ASH2L: variants seen among roughly 807,000 people sequenced by gnomAD.
ASH2L encodes set1/Ash2 histone methyltransferase complex subunit ASH2.
In ASH2L, 30 loss-of-function variants were observed where a neutral mutation model predicts 81.1. That is an observed-to-expected ratio of 0.37 (90% CI 0.28 to 0.50). ASH2L has a LOEUF of 0.50. Among genes scored for constraint, ASH2L ranks in the 20% least tolerant of loss-of-function variants. ASH2L has a pLI of 0.95. For synonymous variants in ASH2L, 273 were observed against 279.9 expected (o/e 0.98, Z 0.24); for missense variants, 559 against 792.1 (o/e 0.71, Z 3.53).
chr8:38,114,493 C>T (rs553435518), intron 6 of ASH2L, among the ~76,000 whole-genome samples: 8 of 152,022 alleles, frequency 5.3e-5, no homozygotes, highest in Non-Finnish European at 1.0e-4. Flanking sequence ...GAACATTGCC[C>T]GCATACACCT....
Position 38,105,545 on chromosome 8 carries a change from G to T in ASH2L, c.-6G>T, listed in dbSNP as rs750572558. ...TATTCTCGCGAGAAGTCCAGGGGTG[G>T]CCGTGATGGCGGCGGCAGGAGCAGG... is the stretch of plus-strand genomic sequence containing the variant. On this transcript the variant is annotated 5_prime_UTR_variant, in exon 1 of 16. Coordinates refer to ENST00000343823, the MANE Select transcript of ASH2L (RefSeq NM_004674.5). 2.6e-6 allele frequency: 4 copies of T among 1,557,952 alleles called. No homozygotes were observed. In the East Asian group the frequency reaches 7.3e-5, roughly 28 times the overall value.
chr8:38,133,654 A>ACCAGATGCCCCT, intron 13 of ASH2L, 108 bp downstream of exon 13: 3 of 857,630 alleles, frequency 3.5e-6, no homozygotes, highest in Non-Finnish European at 5.3e-6. Flanking sequence ...ATGAAGGGGC[A>ACCAGATGCCCCT]TCTGGTAGCC....
intron 10 of ASH2L, chr8:38,122,260 G>A (rs919309388): frequency 2.0e-5 from 3 of 151,726 alleles, no homozygotes; most frequent in African/African-American, 4.8e-5. Context: ...TCTTTACTTT[G>A]AGGCATCAAA....
chr8:38,125,481 G>T (rs1403151409), intron 10 of ASH2L, among the ~76,000 whole-genome samples: 2 of 151,962 alleles, frequency 1.3e-5, no homozygotes, highest in African/African-American at 4.8e-5. Flanking sequence ...TTGCGGGCCT[G>T]GTGGTAATCC....
intron 10 of ASH2L, among the ~76,000 whole-genome samples, chr8:38,122,909 G>A (rs1801692522): frequency 6.6e-6 from 1 of 150,584 alleles, no homozygotes; most frequent in Admixed American, 6.6e-5. Context: ...ACACCTAGCT[G>A]GGTTTTTTAA....
At chr8:38,138,564 G>A (rs1802360951) in intron 14 of ASH2L, 1 of 424,520 alleles carries the variant, frequency 2.4e-6, no homozygotes, top group South Asian at 3.9e-5. Context: ...TTTTGACAGA[G>A]CAAATTGGGA....
intron 8 of ASH2L, among the ~76,000 whole-genome samples, chr8:38,116,929 T>G (rs1291449755): frequency 6.6e-6 from 1 of 152,212 alleles, no homozygotes; most frequent in South Asian, 2.1e-4. Context: ...AACAGTTTGG[T>G]CTTGAGTGAG....
chr8:38,121,216 G>T, intron 10 of ASH2L, 67 bp downstream of exon 10: 2 of 1,435,016 alleles, frequency 1.4e-6, no homozygotes, highest in East Asian at 2.3e-5. Flanking sequence ...AGCCTTGTCA[G>T]TCTAGAATTA....
chr8:38,135,904 T>C, intron 14 of ASH2L, 138 bp downstream of exon 14: 1 of 600,092 alleles, frequency 1.7e-6, no homozygotes, highest in Non-Finnish European at 2.9e-6. Flanking sequence ...CCATTACTGT[T>C]TAGTCCAGAA....
intron 8 of ASH2L, chr8:38,117,544 G>A (rs946267875): frequency 1.1e-6 from 1 of 889,150 alleles, no homozygotes; most frequent in Non-Finnish European, 1.3e-6. Context: ...TTTTTGCTGA[G>A]CTATGGTAGA....
At chr8:38,121,356 T>A (rs1471096942) in intron 10 of ASH2L, among the ~76,000 whole-genome samples, 2 of 142,330 alleles carry the variant, frequency 1.4e-5, no homozygotes, top group African/African-American at 5.1e-5. Context: ...TATATATATA[T>A]ATATATATAT....
intron 12 of ASH2L, among the ~76,000 whole-genome samples, chr8:38,130,227 C>CTTTTTTTTTTTTTTTTTT: frequency 1.2e-5 from 1 of 86,240 alleles, no homozygotes; most frequent in Non-Finnish European, 2.2e-5. Flanking sequence ...CTTCTCTGTT[C>CTTTTTTTTTTTTTTTTTT]TTTTTTTTTT....
chr8:38,118,871 T>A (rs1466398255), intron 8 of ASH2L, among the ~76,000 whole-genome samples: 1 of 152,306 alleles, frequency 6.6e-6, no homozygotes, highest in African/African-American at 2.4e-5. Context: ...TATGGGTGTT[T>A]GTATTAATTT....
Position 38,128,450 on chromosome 8 carries a change from A to C in ASH2L, c.1325A>C (p.Gln442Pro), listed in dbSNP as rs766681899. Residue 442 changes from glutamine to proline, a missense_variant, in exon 11 of 16, where the codon CAG becomes CCG. Physicochemically the swap from Gln to Pro is moderately conservative, Grantham distance 76 (BLOSUM62 -1). Coordinates refer to ENST00000343823, the MANE Select transcript of ASH2L (RefSeq NM_004674.5). ...ACCGCTGCCAGACTGGGTTGGTCCC[A>C]GCCCCTAGGTAAGCTGGGGCCTTAA... ...PDTAARLGWS[Q>P]PLGNLQAPLG... 6.2e-7 allele frequency: 1 copy of C among 1,613,690 alleles called. No individual in the cohort carries two copies.
chr8:38,107,984 G>T (rs558240032), intron 3 of ASH2L, among the ~76,000 whole-genome samples: 1 of 151,666 alleles, frequency 6.6e-6, no homozygotes, highest in African/African-American at 2.4e-5. Flanking sequence ...GCCCAGGCTG[G>T]AGTGCAATGG....
chr8:38,109,217 C>G (rs965323090), intron 3 of ASH2L, among the ~76,000 whole-genome samples: 3 of 152,234 alleles, frequency 2.0e-5, no homozygotes, highest in Non-Finnish European at 4.4e-5. Flanking sequence ...TAACTATTTA[C>G]CTACCTATCT....
At chr8:38,112,438 C>T (rs1044139136) in intron 5 of ASH2L, among the ~76,000 whole-genome samples, 4 of 149,632 alleles carry the variant, frequency 2.7e-5, no homozygotes, top group African/African-American at 2.5e-5. Flanking sequence ...TTTTTTTTTC[C>T]GCTTTAATAG....
At position 38,128,870 on chromosome 8, in the gene ASH2L, G is replaced by T. The variant is rs766786424; in HGVS notation, c.1446G>T (p.Gln482His). The T allele has an allele frequency of 6.2e-7, 1 of 1,614,174 alleles. No homozygotes were observed. The highest frequency in any genetic ancestry group is 2.2e-5 in the East Asian group (1 of 44,884). Reference sequence around the variant, plus strand: ...AACACTACTCTTCTGGCTATGGACAGGGAGACGTCCTGGGATTTTATATTA... The same window carrying T: ...AACACTACTCTTCTGGCTATGGACATGGAGACGTCCTGGGATTTTATATTA... ...IGKHYSSGYG[Q>H]GDVLGFYINL... Residue 482 changes from glutamine (Q) to histidine (H), a missense_variant, in exon 12 of 16, where the codon CAG (glutamine) becomes CAT (histidine). Transcript: ENST00000343823.
In ASH2L at chr8:38,120,618, T is replaced by TCCCCCCCCCC. The variant is rs33928804; in HGVS notation, c.948-305_948-296dup. 1.1e-3 allele frequency among the ~76,000 whole-genome samples: 5 copies of TCCCCCCCCCC among 4,582 alleles called. 1 individual carries two copies. The highest frequency in any genetic ancestry group is 3.5e-3 in the Non-Finnish European group (2 of 574). The allele number at this position is 4,582 out of a possible 152,430, so 3.0% of individuals were successfully genotyped here. ...AATCACCCCCATTCCTCTCCTCCCT[T>TCCCCCCCCCC]CCCCCCCCCCCCCCCCCCGCATAAT... On this transcript the variant is annotated intron_variant, in intron 9 of 15. Coordinates refer to ENST00000343823, the MANE Select transcript of ASH2L (RefSeq NM_004674.5).
Sources: allele counts gnomAD v4.1 joint callset (sites outside exome capture counted in the v4.1 genomes callset), GRCh38; gene constraint gnomAD v4.1.1; transcripts MANE v1.5; gene names NCBI Gene and HGNC (gene_info 2026-07-23, HGNC 2026-07-21).